NUP160: variants seen among roughly 807,000 people sequenced by gnomAD.
The protein encoded by NUP160 is nuclear pore complex protein Nup160.
In NUP160, 94 loss-of-function variants were observed where a neutral mutation model predicts 196.9. The ratio of observed to expected loss-of-function variants is 0.48; its 90% CI spans 0.40 to 0.57. The LOEUF (loss-of-function observed/expected upper bound fraction) is 0.57. Ranked by LOEUF, NUP160 falls within the 20% of genes least tolerant of loss-of-function variation. NUP160 has a pLI of 0.00. For missense variants in NUP160, 1,638 were observed against 1,748.3 expected (o/e 0.94, Z 1.13); for synonymous variants, 605 against 619.7 (o/e 0.98, Z 0.35).
At chr11:47,781,954 TCA>T (rs1389043610) in intron 34 of NUP160, among the ~76,000 whole-genome samples, 1 of 152,048 alleles carries the variant, frequency 6.6e-6, no homozygotes, top group Non-Finnish European at 1.5e-5. Context: ...CAATTTACTC[TCA>T]GATTCTCACC....
chr11:47,822,498 C>T lies in NUP160; in HGVS notation c.1102-334G>A, dbSNP rs554482977. On this transcript the variant is annotated intron_variant, in intron 7 of 35. Transcript: ENST00000378460. Reference sequence around the variant, plus strand: ...GTCTCAAACTCCTGACTTCATGATGCGCCTGCCTCGGCCTCCCAAAGAACT... The same window carrying T: ...GTCTCAAACTCCTGACTTCATGATGTGCCTGCCTCGGCCTCCCAAAGAACT... Among the ~76,000 whole-genome samples, 250 of 151,862 alleles carry T rather than the reference C, an allele frequency of 1.6e-3. 1 individual carries two copies. Among genetic ancestry groups the T allele is most frequent in the African/African-American group, 5.8e-3 (239 of 41,396 alleles).
At chr11:47,825,709 T>C (rs1388830285) in intron 7 of NUP160, among the ~76,000 whole-genome samples, 1 of 152,118 alleles carries the variant, frequency 6.6e-6, no homozygotes, top group Non-Finnish European at 1.5e-5. Flanking sequence ...CACCTCGGCC[T>C]CCCAAAATGT....
At chr11:47,808,607 T>TA (rs2097679159) in intron 17 of NUP160, 78 bp from the exon 18 acceptor site, 1 of 1,177,384 alleles carries the variant, frequency 8.5e-7, no homozygotes, top group Non-Finnish European at 1.2e-6. Flanking sequence ...CAGGTGGAGG[T>TA]AAAATAAAAT....
intron 17 of NUP160, among the ~76,000 whole-genome samples, chr11:47,810,077 GA>G (rs985827590): frequency 6.6e-6 from 1 of 151,770 alleles, no homozygotes. Context: ...CAAAAAACCT[GA>G]AAAAAATGGA....
intron 28 of NUP160, chr11:47,792,293 C>G (rs1055883991): frequency 3.3e-6 from 1 of 303,302 alleles, no homozygotes; most frequent in Non-Finnish European, 6.1e-6. Context: ...ATGTATCTGA[C>G]CCATCAGTAT....
At chr11:47,819,490 G>A (rs1190263563) in intron 9 of NUP160, 32 bp from the exon 10 acceptor site, 2 of 1,474,094 alleles carry the variant, frequency 1.4e-6, no homozygotes, top group Non-Finnish European at 1.9e-6. Flanking sequence ...AGTTTATACA[G>A]AAATGATCAC....
chr11:47,806,848 C>CATATATAT (rs1382803113), intron 19 of NUP160, among the ~76,000 whole-genome samples: 172 of 115,228 alleles, frequency 1.5e-3, no homozygotes, highest in African/African-American at 5.5e-3. Flanking sequence ...CACACACACA[C>CATATATAT]ACACATATAT....
rs933182741 is a variant in NUP160 at position 47,781,002 on chromosome 11, G to A, written c.4117-555C>T. ...AACGTTTTGGGAGGCCGAGGTGGGC[G>A]GATCACAAGGTCAGGAGTTCGAGAC... On this transcript the variant is annotated intron_variant, in intron 34 of 35. Transcript: ENST00000378460. 4.0e-5 allele frequency among the ~76,000 whole-genome samples: 6 copies of A among 151,654 alleles called. No homozygotes were observed. The South Asian group carries it at 8.3e-4, about 21-fold the overall frequency.
intron 35 of NUP160, chr11:47,779,593 C>T (rs759332816): frequency 3.9e-6 from 2 of 518,440 alleles, no homozygotes; most frequent in South Asian, 2.8e-5. Context: ...CAAAATAAGC[C>T]ATCACTATAA....
chr11:47,819,586 T>C (rs1229076545), intron 9 of NUP160, 128 bp from the exon 10 acceptor site: 21 of 509,524 alleles, frequency 4.1e-5, no homozygotes, highest in Middle Eastern at 3.1e-4. Flanking sequence ...ATCAATTCTA[T>C]TAAAAACATT....
At chr11:47,813,139 G>A in intron 14 of NUP160, 92 bp from the exon 15 acceptor site, 1 of 1,072,348 alleles carries the variant, frequency 9.3e-7, no homozygotes, top group South Asian at 1.5e-5. Context: ...TAAATGACAA[G>A]AAATCTATCT....
rs2097676334 is a variant in NUP160, at chr11:47,804,561, A to T, written c.2664T>A (p.Tyr888Ter). 6.5e-7 allele frequency: 1 copy of T among 1,538,720 alleles called. No individual in the cohort carries two copies. Among genetic ancestry groups the T allele is most frequent in the Non-Finnish European group, 8.7e-7 (1 of 1,151,300 alleles). The change falls in exon 21 of 36, where the codon TAT becomes TAA. Residue 888 changes from tyrosine (Y) to a stop codon, truncating the protein, a stop_gained. Transcript: ENST00000378460. LOFTEE classifies it high-confidence loss of function. Reference sequence around the variant, plus strand: ...CAAAGGAACTCACCTGCAATTGTACATATTGGCAATTTCCCATCAAACATT... The same window carrying T: ...CAAAGGAACTCACCTGCAATTGTACTTATTGGCAATTTCCCATCAAACATT...
intron 30 of NUP160, 44 bp from the exon 31 acceptor site, chr11:47,788,349 A>G: frequency 6.2e-7 from 1 of 1,611,156 alleles, no homozygotes; most frequent in Non-Finnish European, 8.5e-7. Context: ...CAAGGTATAC[A>G]CAAATGAAAC....
intron 14 of NUP160, 94 bp downstream of exon 14, chr11:47,813,222 G>A: frequency 9.4e-7 from 1 of 1,067,412 alleles, no homozygotes; most frequent in Non-Finnish European, 1.4e-6. Flanking sequence ...GACCAAGACA[G>A]GTGTGGCAAT....
intron 7 of NUP160, among the ~76,000 whole-genome samples, chr11:47,832,415 G>C (rs1852095825): frequency 6.6e-6 from 1 of 152,188 alleles, no homozygotes; most frequent in Admixed American, 6.5e-5. Flanking sequence ...TTATTCCGGA[G>C]GTCATAAGAT....
In NUP160 at chr11:47,822,083, C is replaced by T; in HGVS notation, c.1179+4G>A. 6.3e-7 allele frequency: 1 copy of T among 1,588,598 alleles called. No individual in the cohort carries two copies. The highest frequency in any genetic ancestry group is 8.6e-7 in the Non-Finnish European group (1 of 1,160,128). ...TGTGATATGCAAAGGATGAATCAAC[C>T]TACCTGAGAAGTGAACAGTGAAGAA... On this transcript the variant is annotated splice_donor_region_variant and intron_variant, in intron 8 of 35. Coordinates refer to ENST00000378460, the Ensembl canonical transcript of NUP160.
chr11:47,835,636 TTA>T lies in NUP160; in HGVS notation c.1101+13_1101+14del. ...CACACAGAATAACTTGGTATGTGTC[TTA>T]TTTGTTTCATACCTGTCCTCGTTTT... On this transcript the variant is annotated intron_variant, in intron 7 of 35. Coordinates refer to ENST00000378460, the Ensembl canonical transcript of NUP160. The T allele has an allele frequency of 6.4e-7, 1 of 1,552,262 alleles. No homozygotes were observed. Among genetic ancestry groups the T allele is most frequent in the Non-Finnish European group, 8.7e-7 (1 of 1,149,058 alleles).
intron 15 of NUP160, 88 bp downstream of exon 15, chr11:47,812,794 G>T (rs10838773): frequency 1.9e-6 from 2 of 1,044,474 alleles, no homozygotes; most frequent in East Asian, 2.4e-5. Context: ...TATTCTGTAC[G>T]CTCTGGAACA....
chr11:47,845,480 C>G (rs987406842), intron 2 of NUP160, among the ~76,000 whole-genome samples: 1 of 152,142 alleles, frequency 6.6e-6, no homozygotes, highest in African/African-American at 2.4e-5. Flanking sequence ...CTATGCACTG[C>G]GGACTTGCCC....
Sources: gnomAD v4.1 joint callset for allele counts (sites outside exome capture counted in the v4.1 genomes callset) on GRCh38, gnomAD v4.1.1 for gene constraint, MANE v1.5 for transcripts, NCBI Gene and HGNC (gene_info 2026-07-23, HGNC 2026-07-21) for gene names.